MYH3: variants seen among roughly 807,000 people sequenced by gnomAD.
MYH3 encodes myosin-3.
A neutral mutation model predicts 238.0 loss-of-function variants in MYH3; 130 were observed. That is an observed-to-expected ratio of 0.55 (90% CI 0.47 to 0.63). The LOEUF (loss-of-function observed/expected upper bound fraction) is 0.63, where lower values mean the gene tolerates loss of function less well. Ranked by LOEUF, MYH3 falls within the 30% of genes least tolerant of loss-of-function variation. The pLI, the probability that MYH3 is intolerant of heterozygous loss-of-function variation, is 0.00. For missense variants in MYH3, 1,853 were observed against 2,374.9 expected (o/e 0.78, Z 4.57); for synonymous variants, 880 against 924.1 (o/e 0.95, Z 0.86).
At position 10,631,663 on chromosome 17, in the gene MYH3, G is replaced by A. The variant is rs1567551550; in HGVS notation, c.5234C>T (p.Ala1745Val). The change falls in exon 36 of 41, where the codon GCC becomes GTC. Residue 1745 changes from alanine (A) to valine (V), a missense_variant. Physicochemically the swap from Ala to Val is moderately conservative, Grantham distance 64. This residue lies in a region of MYH3 where 1,044 missense variants were observed against 1,192.6 expected (regional missense o/e 0.88). Coordinates refer to ENST00000583535, the MANE Select transcript of MYH3 (RefSeq NM_002470.4). The part of the protein sequence containing the change: ...LMQLQSEVED[A>V]SRDARNAEEK... The stretch of plus-strand genomic sequence containing the variant: ...CTCAGCGTTCCTTGCATCCCTGCTG[G>A]CATCTTCTACCTCACTCTGGAGCTG... The A allele has an allele frequency of 6.2e-7, 1 of 1,614,108 alleles. No homozygotes were observed. Among genetic ancestry groups the A allele is most frequent in the Non-Finnish European group, 8.5e-7 (1 of 1,180,024 alleles).
At chr17:10,664,612 C>T in the MYH3 span, among the ~76,000 whole-genome samples, 31 of 152,190 alleles carry the variant, frequency 2.0e-4, no homozygotes, top group Middle Eastern at 3.4e-3. Context: ...GACGGGGAAA[C>T]CTAAGCCACG....
Position 10,654,139 on chromosome 17 carries a change from C to A in MYH3, c.204+722G>T, listed in dbSNP as rs2074404634. Reference sequence around the variant, plus strand: ...TTCCTTTACTTGTCTCTTTTATTTTCTTTCTTTCTTTCTCTTTCTTTCTTT... The same window carrying A: ...TTCCTTTACTTGTCTCTTTTATTTTATTTCTTTCTTTCTCTTTCTTTCTTT... On this transcript the variant is annotated intron_variant, in intron 3 of 40. Transcript: ENST00000583535. This position sits in a 1 kb window ranked among gnomAD's most constrained non-coding sequence, Gnocchi z 4.5. Among the ~76,000 whole-genome samples, 1 of 141,894 alleles carries A rather than the reference C, an allele frequency of 7.0e-6. No homozygotes were observed. Among genetic ancestry groups the A allele is most frequent in the African/African-American group, 2.6e-5 (1 of 37,842 alleles). The allele number at this position is 141,894 out of a possible 152,430, so 93.1% of individuals were successfully genotyped here.
At chr17:10,655,161 C>T in intron 2 of MYH3, 89 bp from the exon 3 acceptor site, 1 of 1,055,642 alleles carries the variant, frequency 9.5e-7, no homozygotes. Flanking sequence ...ACCCTGCCCT[C>T]CTTCAGCCGC....
rs1314031975 is a variant in MYH3, at chr17:10,654,799, C to T, written c.204+62G>A. The T allele has an allele frequency of 1.4e-5, 22 of 1,525,452 alleles. No homozygotes were observed. Among genetic ancestry groups the T allele is most frequent in the South Asian group, 7.8e-5 (7 of 89,370 alleles). 94.5% of individuals were successfully genotyped at this position (1,525,452 alleles called of 1,614,324 possible). A position where few individuals can be genotyped will look rare whatever the true frequency, so the allele number is the denominator to read the frequency against. ...GTGGCTGGGGTTGGGCAGATGCATACCCCAGGCAAGCACAAGGACCAGGTG... is the reference window on the plus strand; with the variant it reads ...GTGGCTGGGGTTGGGCAGATGCATATCCCAGGCAAGCACAAGGACCAGGTG... On this transcript the variant is annotated intron_variant, in intron 3 of 40. Coordinates refer to ENST00000583535, the MANE Select transcript of MYH3 (RefSeq NM_002470.4). The surrounding 1 kb of genome is among the most constrained non-coding windows in gnomAD (Gnocchi z 4.5).
intron 17 of MYH3, 78 bp from the exon 18 acceptor site, chr17:10,641,450 G>T: frequency 2.0e-6 from 2 of 1,024,738 alleles, no homozygotes; most frequent in Non-Finnish European, 3.0e-6. Context: ...AATGAAATAA[G>T]ATCTATGTTT....
At chr17:10,652,356 T>G (rs1340442006) in intron 4 of MYH3, 64 bp downstream of exon 4, 1 of 1,585,600 alleles carries the variant, frequency 6.3e-7, no homozygotes, top group African/African-American at 1.3e-5. Context: ...CACATACCTC[T>G]GCCTCCCTCC....
chr17:10,637,682 C>T, intron 28 of MYH3, 127 bp downstream of exon 28: 1 of 1,307,948 alleles, frequency 7.6e-7, no homozygotes, highest in Non-Finnish European at 1.1e-6. Context: ...ATTTCAATTT[C>T]TTCTCTCCTG....
the MYH3 span, among the ~76,000 whole-genome samples, chr17:10,662,400 G>A: frequency 6.6e-6 from 1 of 152,044 alleles, no homozygotes; most frequent in Non-Finnish European, 1.5e-5. Context: ...ATCTAAATGC[G>A]ACCACTGTTA....
chr17:10,652,315 G>A (rs996752580), intron 4 of MYH3, 105 bp downstream of exon 4: 3 of 1,371,210 alleles, frequency 2.2e-6, no homozygotes, highest in Non-Finnish European at 3.1e-6. Context: ...AGCTAGGCAA[G>A]CACTCATCTT....
chr17:10,633,915 A>G lies in MYH3; in HGVS notation c.4522+102T>C, dbSNP rs560935908. 1.6e-3 allele frequency: 2,378 copies of G among 1,509,632 alleles called. 8 individuals are homozygous for G. The highest frequency in any genetic ancestry group is 1.8e-3 in the Non-Finnish European group (2,014 of 1,095,382). The allele number at this position is 1,509,632 out of a possible 1,614,324, so 93.5% of individuals were successfully genotyped here. A position where few individuals can be genotyped will look rare whatever the true frequency, so the allele number is the denominator to read the frequency against. On this transcript the variant is annotated intron_variant, in intron 32 of 40. Coordinates refer to ENST00000583535, the MANE Select transcript of MYH3 (RefSeq NM_002470.4). The stretch of plus-strand genomic sequence containing the variant: ...ACTTTCTGCATGTGCATTAACACAC[A>G]TGTGTGCAGGAAACTGAGTGATGAA...
rs771235477 is a variant in MYH3, at chr17:10,629,987, C to G, written c.5563-50G>C. 1.9e-6 allele frequency: 3 copies of G among 1,608,712 alleles called. No individual in the cohort carries two copies. The South Asian group carries it at 3.3e-5, about 18-fold the overall frequency. On this transcript the variant is annotated intron_variant, in intron 38 of 40. Transcript: ENST00000583535. Reference sequence around the variant, plus strand: ...CACTGGAGAGGAGGGGGCAGATTTGCACACGGCATGGGCAGCTTTCTGGGC... The same window carrying G: ...CACTGGAGAGGAGGGGGCAGATTTGGACACGGCATGGGCAGCTTTCTGGGC...
chr17:10,654,877 T>G lies in MYH3; in HGVS notation c.188A>C (p.Glu63Ala). The G allele has an allele frequency of 6.2e-7, 1 of 1,614,174 alleles. No homozygotes were observed. The highest frequency in any genetic ancestry group is 1.1e-5 in the South Asian group (1 of 91,084). ...GAGCCTTACCCTGTTGTCCTCAGTTTCCACAGTGACCTTCCCATCCTGAGA... is the reference window on the plus strand; with the variant it reads ...GAGCCTTACCCTGTTGTCCTCAGTTGCCACAGTGACCTTCCCATCCTGAGA... ...KSSQDGKVTV[E>A]TEDNRTLVVK... Residue 63 changes from glutamate to alanine, a missense_variant, in exon 3 of 41, where the codon GAA becomes GCA. Glu to Ala is a moderately radical substitution (Grantham distance 107). Transcript: ENST00000583535. This position sits in a 1 kb window ranked among gnomAD's most constrained non-coding sequence, Gnocchi z 4.5.
In MYH3 at chr17:10,645,934, T is replaced by C. The variant is rs1362854180; in HGVS notation, c.997A>G (p.Thr333Ala). ...CTTCTGTTGGTTCCACTTACGTCTG[T>C]AGCCAGCAGCTCCTCTGCATCATCT... ...SIDDAEELLA[T>A]DSAIDILGFT... is the part of the protein sequence containing the mutation. Residue 333 changes from threonine to alanine, a missense_variant, in exon 11 of 41, where the codon ACA (threonine) becomes GCA (alanine). Coordinates refer to ENST00000583535, the MANE Select transcript of MYH3 (RefSeq NM_002470.4). The C allele has an allele frequency of 6.2e-7, 1 of 1,613,954 alleles. No individual in the cohort carries two copies.
intron 26 of MYH3, 80 bp from the exon 27 acceptor site, chr17:10,638,512 T>C (rs2074239785): frequency 6.4e-7 from 1 of 1,570,532 alleles, no homozygotes; most frequent in South Asian, 1.1e-5. Flanking sequence ...CTGGTTTCCC[T>C]TCCCATTAGA....
the MYH3 span, among the ~76,000 whole-genome samples, chr17:10,672,133 A>G: frequency 6.6e-6 from 1 of 152,196 alleles, no homozygotes; most frequent in Non-Finnish European, 1.5e-5. Flanking sequence ...GGCAGTGGGT[A>G]TTGTAAAACT....
At chr17:10,643,303 A>T (rs1162566406) in intron 14 of MYH3, among the ~76,000 whole-genome samples, 1 of 151,776 alleles carries the variant, frequency 6.6e-6, no homozygotes, top group African/African-American at 2.4e-5. Flanking sequence ...CTACAAGCTC[A>T]TCTGTTTTTT....
Position 10,642,672 on chromosome 17 carries a change from T to A in MYH3, c.1633A>T (p.Thr545Ser), listed in dbSNP as rs1247613631. 2 of 1,614,226 alleles carry A rather than the reference T, an allele frequency of 1.2e-6. No homozygotes were observed. Among genetic ancestry groups the A allele is most frequent in the Non-Finnish European group, 1.7e-6 (2 of 1,180,038 alleles). Residue 545 changes from threonine to serine, a missense_variant, in exon 16 of 41, where the codon ACA (threonine) becomes TCA (serine). Physicochemically the swap from Thr to Ser is moderately conservative, Grantham distance 58. Transcript: ENST00000583535. The surrounding 1 kb of genome is among the most constrained non-coding windows in gnomAD (Gnocchi z 5.4). ...AGCTTGTTCTTGAAGGAGGTGTCTG[T>A]TGCCTTGGGGAACATGCACTCCTCT... ...LEEECMFPKA[T>S]DTSFKNKLYD...
At chr17:10,637,717 C>T (rs2074228141) in intron 28 of MYH3, 92 bp downstream of exon 28, 2 of 1,546,858 alleles carry the variant, frequency 1.3e-6, no homozygotes, top group South Asian at 2.3e-5. Flanking sequence ...TAGAGATTCT[C>T]CCTCAAACAC....
At position 10,654,811 on chromosome 17, in the gene MYH3, A is replaced by G. The variant is rs373862261; in HGVS notation, c.204+50T>C. On this transcript the variant is annotated intron_variant, in intron 3 of 40. Transcript: ENST00000583535. The surrounding 1 kb of genome is among the most constrained non-coding windows in gnomAD (Gnocchi z 4.5). ...GGGCAGATGCATACCCCAGGCAAGC[A>G]CAAGGACCAGGTGGAGGGCCAGCAG... 7.1e-4 allele frequency: 1,124 copies of G among 1,577,028 alleles called. 1 individual carries two copies. The highest frequency in any genetic ancestry group is 3.3e-3 in the Middle Eastern group (20 of 6,002).
Sources: allele counts gnomAD v4.1 joint callset (sites outside exome capture counted in the v4.1 genomes callset), GRCh38; gene constraint gnomAD v4.1.1; regional missense constraint gnomAD v4.1.1; non-coding constraint Gnocchi (gnomAD v3.1); transcripts MANE v1.5; gene names NCBI Gene and HGNC (gene_info 2026-07-23, HGNC 2026-07-21).